The following DACH2 variants were observed in gnomAD, a reference collection of about 807,000 sequenced individuals.
DACH2 encodes dachshund homolog 2.
Under a neutral mutation model 35.8 loss-of-function variants are expected in DACH2, and 17 were observed. That is an observed-to-expected ratio of 0.48 (90% CI 0.33 to 0.71). The LOEUF is 0.71. Ranked by LOEUF, DACH2 falls within the 30% of genes least tolerant of loss-of-function variation. The pLI is 0.02. For synonymous variants in DACH2, 195 were observed against 177.3 expected (o/e 1.10, Z -0.79); for missense variants, 469 against 472.7 (o/e 0.99, Z 0.07).
intron 3 of DACH2, among the ~76,000 whole-genome samples, chrX:86,617,093 G>A (rs1211958969): frequency 9.0e-6 from 1 of 111,260 alleles, no homozygotes; most frequent in Non-Finnish European, 1.9e-5. Context: ...TTATTTCTGG[G>A]CTCTTTATTC....
intron 7 of DACH2, among the ~76,000 whole-genome samples, chrX:86,812,211 A>G (rs1191595759): frequency 8.9e-6 from 1 of 111,997 alleles, no homozygotes; most frequent in African/African-American, 3.2e-5. Context: ...AAAACCATGT[A>G]TCGTAGGATT....
At chrX:86,744,344 A>G (rs1056869734) in intron 7 of DACH2, among the ~76,000 whole-genome samples, 1 of 110,742 alleles carries the variant, frequency 9.0e-6, no homozygotes, top group Non-Finnish European at 1.9e-5. Flanking sequence ...TCTTCCAGTT[A>G]CATTTGTGAC....
intron 2 of DACH2, among the ~76,000 whole-genome samples, chrX:86,456,305 C>T (rs1296888894): frequency 1.4e-4 from 16 of 112,287 alleles, no homozygotes; most frequent in Non-Finnish European, 1.3e-4. Context: ...GTTGTTTTAA[C>T]TGAACATTTT....
chrX:86,296,380 CAAAAAAA>C (rs61713614), intron 1 of DACH2, among the ~76,000 whole-genome samples: 3 of 68,460 alleles, frequency 4.4e-5, no homozygotes, highest in Non-Finnish European at 8.8e-5. Context: ...GACTCCATCT[CAAAAAAA>C]AAAAAAAAAA....
intron 3 of DACH2, among the ~76,000 whole-genome samples, chrX:86,626,532 C>T (rs921048480): frequency 2.8e-4 from 32 of 112,860 alleles, no homozygotes; most frequent in African/African-American, 1.0e-3. Context: ...GATCCCACCC[C>T]CCATTTCCCT....
chrX:86,811,576 T>C (rs1401500011), intron 7 of DACH2, among the ~76,000 whole-genome samples: 1 of 111,877 alleles, frequency 8.9e-6, no homozygotes, highest in Non-Finnish European at 1.9e-5. Context: ...AAACTTTGCC[T>C]GTGCTCTCTT....
At chrX:86,393,939 T>TTTTTTA (rs766140671) in intron 2 of DACH2, among the ~76,000 whole-genome samples, 2 of 104,839 alleles carry the variant, frequency 1.9e-5, no homozygotes, top group Non-Finnish European at 3.9e-5. Context: ...TGGTAGCTAT[T>TTTTTTA]TTATTATTAT....
chrX:86,208,110 T>A (rs980877127), intron 1 of DACH2, among the ~76,000 whole-genome samples: 2 of 110,842 alleles, frequency 1.8e-5, no homozygotes, highest in African/African-American at 6.5e-5. Context: ...ATTTTGTTAC[T>A]CAATATTAAT....
intron 3 of DACH2, among the ~76,000 whole-genome samples, chrX:86,598,310 G>A (rs2039739425): frequency 9.0e-6 from 1 of 111,497 alleles, no homozygotes; most frequent in Non-Finnish European, 1.9e-5. Context: ...CTTAGAGGAG[G>A]CATCCTTAGG....
intron 1 of DACH2, among the ~76,000 whole-genome samples, chrX:86,183,799 C>T (rs373834363): frequency 1.8e-5 from 2 of 111,249 alleles, no homozygotes; most frequent in Admixed American, 9.6e-5. Flanking sequence ...TGAATCCGTC[C>T]GGTCTTGGGC....
chrX:86,752,719 T>C (rs969890961), intron 7 of DACH2, among the ~76,000 whole-genome samples: 6 of 111,574 alleles, frequency 5.4e-5, no homozygotes, highest in African/African-American at 1.3e-4. Flanking sequence ...CCTGCTAGTA[T>C]GATGGGTGAC....
intron 7 of DACH2, 123 bp downstream of exon 7, chrX:86,740,005 G>T: frequency 1.5e-6 from 1 of 660,416 alleles, no homozygotes. Context: ...ATAGCTTTTT[G>T]AAATTTGGTC....
intron 1 of DACH2, among the ~76,000 whole-genome samples, chrX:86,349,673 C>T (rs956736817): frequency 1.8e-5 from 2 of 112,114 alleles, no homozygotes; most frequent in Non-Finnish European, 1.9e-5. Context: ...TTGAGCTTTC[C>T]AAGATAATCT....
At chrX:86,465,228 C>T (rs1285288638) in intron 2 of DACH2, among the ~76,000 whole-genome samples, 3 of 112,097 alleles carry the variant, frequency 2.7e-5, no homozygotes, top group East Asian at 2.8e-4. Flanking sequence ...CAGAGATTTA[C>T]GTGAATGCTA....
At chrX:86,742,625 T>A (rs771222311) in intron 7 of DACH2, 301 of 251,762 alleles carry the variant, frequency 1.2e-3, no homozygotes, top group Middle Eastern at 5.3e-3. Flanking sequence ...ACTACTCAGT[T>A]ACATCTCTTA....
Position 86,675,749 on chromosome X carries a change from T to TA in DACH2, c.773-19272_773-19271insA, listed in dbSNP as rs760884933. On this transcript the variant is annotated intron_variant, in intron 4 of 11. Coordinates refer to ENST00000373125, the MANE Select transcript of DACH2 (RefSeq NM_053281.3). ...GTGCTATGAGTCTGAAATTAAGAGT[T>TA]TTTTTTTCTTTTTTTACTTAAAAGT... Among the ~76,000 whole-genome samples the TA allele has an allele frequency of 3.6e-4, 40 of 110,966 alleles. 1 individual carries two copies. Among genetic ancestry groups the TA allele is most frequent in the African/African-American group, 1.2e-3 (38 of 30,538 alleles).
intron 2 of DACH2, among the ~76,000 whole-genome samples, chrX:86,480,114 T>C (rs1180470103): frequency 8.9e-6 from 1 of 112,015 alleles, no homozygotes; most frequent in Non-Finnish European, 1.9e-5. Flanking sequence ...GTACCCATCG[T>C]TTCAGGGAAG....
At chrX:86,254,799 T>TATATAC (rs2033478410) in intron 1 of DACH2, among the ~76,000 whole-genome samples, 1 of 68,216 alleles carries the variant, frequency 1.5e-5, no homozygotes, top group African/African-American at 7.5e-5. Context: ...TATATATATA[T>TATATAC]ATATATATAG....
intron 10 of DACH2, 26 bp downstream of exon 10, chrX:86,814,860 C>A: frequency 8.5e-7 from 1 of 1,180,273 alleles, no homozygotes; most frequent in Non-Finnish European, 1.1e-6. Context: ...GATTTTCACA[C>A]TCAAGGTAAA....
Sources: allele counts gnomAD v4.1 joint callset (sites outside exome capture counted in the v4.1 genomes callset), GRCh38; gene constraint gnomAD v4.1.1; transcripts MANE v1.5; gene names NCBI Gene and HGNC (gene_info 2026-07-23, HGNC 2026-07-21).